TNC: variants seen among roughly 807,000 people sequenced by gnomAD.
TNC encodes tenascin C.
A neutral mutation model predicts 202.4 loss-of-function variants in TNC; 109 were observed. The observed-to-expected ratio is 0.54, with a 90% CI of 0.46 to 0.63. TNC has a LOEUF of 0.63. Among genes scored for constraint, TNC ranks in the 30% least tolerant of loss-of-function variants. The pLI, the probability that TNC is intolerant of heterozygous loss-of-function variation, is 0.00. For synonymous variants in TNC, 1,007 were observed against 1,089.7 expected (o/e 0.92, Z 1.50); for missense variants, 2,756 against 2,833.3 (o/e 0.97, Z 0.62).
chr9:115,048,560 T>G (rs761780658), intron 15 of TNC, 28 bp from the exon 16 acceptor site: 3 of 1,597,510 alleles, frequency 1.9e-6, no homozygotes, highest in Non-Finnish European at 2.6e-6. Flanking sequence ...TGAAAATAAC[T>G]CAGGTTAGCA....
At chr9:115,106,470 A>G (rs1450255595) in intron 1 of TNC, among the ~76,000 whole-genome samples, 3 of 152,218 alleles carry the variant, frequency 2.0e-5, no homozygotes, top group Non-Finnish European at 4.4e-5. Context: ...TGGATTTGCA[A>G]AATGGAACAA....
chr9:115,030,116 A>G, intron 24 of TNC, 138 bp downstream of exon 24: 1 of 856,774 alleles, frequency 1.2e-6, no homozygotes, highest in Non-Finnish European at 1.7e-6. Flanking sequence ...CCTCTGTGTG[A>G]CAGGCACTAT....
At chr9:115,103,549 A>C (rs12004479) in intron 1 of TNC, among the ~76,000 whole-genome samples, 12 of 152,122 alleles carry the variant, frequency 7.9e-5, no homozygotes, top group Admixed American at 4.6e-4. Flanking sequence ...TCTGACCAAC[A>C]GGGTCATTGT....
At chr9:115,096,719 T>C in intron 1 of TNC, among the ~76,000 whole-genome samples, 1 of 152,222 alleles carries the variant, frequency 6.6e-6, no homozygotes, top group East Asian at 1.9e-4. Flanking sequence ...CTTACATGTT[T>C]GAACATATCC....
At chr9:115,068,851 A>G (rs1250896539) in intron 10 of TNC, among the ~76,000 whole-genome samples, 1 of 152,266 alleles carries the variant, frequency 6.6e-6, no homozygotes, top group East Asian at 1.9e-4. Flanking sequence ...CACTTCTTCC[A>G]AAAAGCCTTC....
rs777365457 is a variant in TNC at position 115,078,190 on chromosome 9, G to A, written c.2427C>T (p.Ile809=). 33 of 1,609,196 alleles carry A rather than the reference G, an allele frequency of 2.1e-5. No individual in the cohort carries two copies. Among genetic ancestry groups the A allele is most frequent in the African/African-American group, 2.7e-5 (2 of 74,848 alleles). The change falls in exon 7 of 28, where the codon ATC becomes ATT. Residue 809 remains isoleucine (I), a synonymous_variant. Coordinates refer to ENST00000350763, the MANE Select transcript of TNC (RefSeq NM_002160.4). ...TTTRLDAPSQ[I]EVKDVTDTTA... is the part of the protein sequence containing the mutation. ...TGGTGTCTGTGACATCTTTCACCTC[G>A]ATCTGGCTGGGGGCATCCAAGCCTA... is the stretch of plus-strand genomic sequence containing the variant.
At chr9:115,096,594 A>C (rs2133906784) in intron 1 of TNC, among the ~76,000 whole-genome samples, 1 of 151,562 alleles carries the variant, frequency 6.6e-6, no homozygotes, top group South Asian at 2.1e-4. Context: ...ACTAATGAAA[A>C]TGGGTGAGTA....
At position 115,036,230 on chromosome 9, in the gene TNC, T is replaced by C. The variant is rs1244913619; in HGVS notation, c.5524A>G (p.Thr1842Ala). The C allele has an allele frequency of 6.2e-7, 1 of 1,614,024 alleles. No individual in the cohort carries two copies. The highest frequency in any genetic ancestry group is 2.2e-5 in the East Asian group (1 of 44,890). Residue 1842 changes from threonine (T) to alanine (A), a missense_variant, in exon 21 of 28, where the codon ACA (threonine) becomes GCA (alanine). By Grantham distance (58) the Thr-to-Ala change is moderately conservative (BLOSUM62 0). Coordinates refer to ENST00000350763, the MANE Select transcript of TNC (RefSeq NM_002160.4). Reference protein sequence around the residue: ...SYTGEKVPEITRTVSGNTVEY... With the variant: ...SYTGEKVPEIARTVSGNTVEY... ...ACTGTGTTCCCGGACACCGTGCGTG[T>C]AATTTCTGGCACTAAACATGAAATA...
intron 12 of TNC, 44 bp from the exon 13 acceptor site, chr9:115,063,233 T>C (rs1370412569): frequency 6.3e-7 from 1 of 1,599,932 alleles, no homozygotes; most frequent in Non-Finnish European, 8.5e-7. Flanking sequence ...AAAAGGCAAT[T>C]GCACGCTGGG....
At chr9:115,072,928 C>T (rs1421680817) in intron 10 of TNC, among the ~76,000 whole-genome samples, 13 of 152,156 alleles carry the variant, frequency 8.5e-5, no homozygotes, top group African/African-American at 1.2e-4. Flanking sequence ...GTTTAGCCAC[C>T]GAGTAACCAT....
rs1415871568 is a variant in TNC, at chr9:115,031,682, C to T, written c.5791G>A (p.Val1931Ile). Residue 1931 changes from valine to isoleucine, a missense_variant, in exon 23 of 28, where the codon GTC becomes ATC. Coordinates refer to ENST00000350763, the MANE Select transcript of TNC (RefSeq NM_002160.4). The stretch of plus-strand genomic sequence containing the variant: ...GAGGTGGTATCTGGACCCACAATGA[C>T]TTCCTAAGAGCAGAAGAAAAAGTAT... ...YESVDGTVKE[V>I]IVGPDTTSYS... 7 of 1,608,982 alleles carry T rather than the reference C, an allele frequency of 4.4e-6. No homozygotes were observed. Among genetic ancestry groups the T allele is most frequent in the South Asian group, 1.1e-5 (1 of 90,302 alleles).
chr9:115,068,021 GA>G (rs1833085044), intron 10 of TNC, among the ~76,000 whole-genome samples: 1 of 152,108 alleles, frequency 6.6e-6, no homozygotes, highest in African/African-American at 2.4e-5. Context: ...ATTAAAGAGA[GA>G]GGGGGTCAGA....
chr9:115,056,539 C>A lies in TNC; in HGVS notation c.4579+614G>T, dbSNP rs573381535. On this transcript the variant is annotated intron_variant, in intron 15 of 27. Transcript: ENST00000350763. ...TTCTACTTTTATTTTTGCCATTTATCATTCACTATTCTGAGGGCAAGACAG... is the reference window on the plus strand; with the variant it reads ...TTCTACTTTTATTTTTGCCATTTATAATTCACTATTCTGAGGGCAAGACAG... 4.6e-5 allele frequency among the ~76,000 whole-genome samples: 7 copies of A among 152,290 alleles called. No homozygotes were observed. The South Asian group carries it at 1.5e-3, about 32-fold the overall frequency.
chr9:115,067,132 C>T (rs1031499347), intron 10 of TNC, among the ~76,000 whole-genome samples: 12 of 152,180 alleles, frequency 7.9e-5, no homozygotes, highest in African/African-American at 2.9e-4. Flanking sequence ...TACCTTTAAT[C>T]CTGCTGGGCC....
chr9:115,053,438 A>G (rs1831861075), intron 15 of TNC, among the ~76,000 whole-genome samples: 2 of 152,202 alleles, frequency 1.3e-5, no homozygotes. Flanking sequence ...TGCATGGTAA[A>G]CACCGAATAT....
intron 1 of TNC, among the ~76,000 whole-genome samples, chr9:115,110,391 T>C (rs2134303168): frequency 6.6e-6 from 1 of 152,156 alleles, no homozygotes; most frequent in South Asian, 2.1e-4. Flanking sequence ...AACCTCTATG[T>C]CTCAGGTTGA....
intron 1 of TNC, among the ~76,000 whole-genome samples, chr9:115,117,068 G>T (rs1212866154): frequency 6.6e-6 from 1 of 152,144 alleles, no homozygotes; most frequent in Non-Finnish European, 1.5e-5. Context: ...AGACGCTATT[G>T]TCCCCATTTT....
At chr9:115,026,245 T>G (rs1829471200) in intron 26 of TNC, among the ~76,000 whole-genome samples, 1 of 152,152 alleles carries the variant, frequency 6.6e-6, no homozygotes, top group Non-Finnish European at 1.5e-5. Flanking sequence ...AGTCTACAAC[T>G]GATATCTAAA....
intron 1 of TNC, among the ~76,000 whole-genome samples, chr9:115,093,855 G>T (rs1311878330): frequency 6.6e-6 from 1 of 152,148 alleles, no homozygotes; most frequent in Non-Finnish European, 1.5e-5. Context: ...ACCAAATGTT[G>T]CATCGTTGGG....
Sources: allele counts gnomAD v4.1 joint callset (sites outside exome capture counted in the v4.1 genomes callset), GRCh38; gene constraint gnomAD v4.1.1; transcripts MANE v1.5; gene names NCBI Gene and HGNC (gene_info 2026-07-23, HGNC 2026-07-21).